Variants in LRRC9 observed in about 807,000 individuals in gnomAD.
The protein encoded by LRRC9 is leucine rich repeat containing 9.
Under a neutral mutation model 63.2 loss-of-function variants are expected in LRRC9, and 122 were observed. That is an observed-to-expected ratio of 1.93 (90% CI 1.67 to 2.24). The LOEUF is 2.24. Among genes scored for constraint, LRRC9 ranks in the 30% most tolerant of loss-of-function variants. The pLI, the probability that LRRC9 is intolerant of heterozygous loss-of-function variation, is 0.00. For missense variants in LRRC9, 1,071 were observed against 627.7 expected, an observed-to-expected ratio of 1.71 and a Z score of -7.55; for synonymous variants, 366 against 213.1, an observed-to-expected ratio of 1.72 and a Z score of -6.25.
chr14:59,944,866 TCA>T (rs3069510), intron 8 of LRRC9, 122 bp downstream of exon 8: 140,336 of 368,814 alleles, frequency 0.38, 21,004 homozygotes, highest in African/African-American at 0.48. Context: ...ACACACACAC[TCA>T]CACACACACA....
intron 27 of LRRC9, among the ~76,000 whole-genome samples, chr14:60,026,843 G>A (rs185656713): frequency 6.6e-6 from 1 of 152,036 alleles, no homozygotes; most frequent in East Asian, 1.9e-4. Context: ...TCTCTATTCT[G>A]TTCCCTTGGT....
intron 8 of LRRC9, among the ~76,000 whole-genome samples, chr14:59,949,144 T>G (rs1715981016): frequency 7.2e-6 from 1 of 139,406 alleles, no homozygotes; most frequent in African/African-American, 2.7e-5. Context: ...GGTCCTGGAC[T>G]CTTTTTGGTT....
rs1716353010 is a variant in LRRC9 at position 59,932,476 on chromosome 14, C to T, written c.543+437C>T. 6.6e-6 allele frequency among the ~76,000 whole-genome samples: 1 copy of T among 152,090 alleles called. No individual in the cohort carries two copies. Among genetic ancestry groups the T allele is most frequent in the South Asian group, 2.1e-4 (1 of 4,830 alleles). On this transcript the variant is annotated intron_variant, in intron 6 of 31. Transcript: ENST00000445360. The surrounding 1 kb of genome is among the most constrained non-coding windows in gnomAD (Gnocchi z 4.7). ...AGTACCTTTACTTTCCTTAACAACT[C>T]TCCAGAACTGTACACATATCTTAAT...
intron 17 of LRRC9, among the ~76,000 whole-genome samples, chr14:59,996,925 T>A (rs1225827467): frequency 6.6e-6 from 1 of 152,164 alleles, no homozygotes; most frequent in Non-Finnish European, 1.5e-5. Context: ...AGATCTATAG[T>A]AAAATGTTTT....
intron 19 of LRRC9, among the ~76,000 whole-genome samples, chr14:60,000,803 T>C (rs948196325): frequency 6.6e-6 from 1 of 151,988 alleles, no homozygotes; most frequent in African/African-American, 2.4e-5. Context: ...TCAAAGAAAG[T>C]GAAAAGACAA....
chr14:59,991,253 A>G (rs1888057308), intron 17 of LRRC9, among the ~76,000 whole-genome samples: 2 of 152,182 alleles, frequency 1.3e-5, no homozygotes, highest in Admixed American at 1.3e-4. Context: ...TAAAATGGAC[A>G]ATTTCTATGC....
chr14:59,968,154 G>T (rs1190729253), intron 12 of LRRC9, among the ~76,000 whole-genome samples: 1 of 152,138 alleles, frequency 6.6e-6, no homozygotes, highest in Non-Finnish European at 1.5e-5. Flanking sequence ...CATTATGCTA[G>T]AGAAATAATA....
intron 12 of LRRC9, among the ~76,000 whole-genome samples, chr14:59,971,242 T>C (rs1885460625): frequency 6.6e-6 from 1 of 152,130 alleles, no homozygotes; most frequent in Non-Finnish European, 1.5e-5. Flanking sequence ...TGGTTGTAGG[T>C]GTGCAACCTT....
At chr14:60,063,442 T>TA (rs60032242) in exon 32 of LRRC9, 12,218 of 589,180 alleles carry the variant, frequency 0.021, 8 homozygotes, top group Middle Eastern at 0.026. Context: ...AGTGGTCAGT[T>TA]AAAAAAAAAA....
intron 7 of LRRC9, among the ~76,000 whole-genome samples, chr14:59,944,318 G>C (rs1305762149): frequency 6.6e-6 from 1 of 151,734 alleles, no homozygotes; most frequent in Non-Finnish European, 1.5e-5. Context: ...TTTATCTGTA[G>C]TCTCTTTTTG....
At chr14:59,984,786 C>A (rs1887284157) in intron 16 of LRRC9, among the ~76,000 whole-genome samples, 1 of 152,156 alleles carries the variant, frequency 6.6e-6, no homozygotes. Flanking sequence ...CAGATCTACC[C>A]TAATAAGTAT....
intron 29 of LRRC9, among the ~76,000 whole-genome samples, chr14:60,036,717 A>G (rs537431811): frequency 1.4e-5 from 1 of 72,638 alleles, no homozygotes; most frequent in African/African-American, 5.5e-5. Context: ...TTGTAAAGTT[A>G]CTCTTTGCCT....
rs1315030905 is a variant in LRRC9 at position 60,015,486 on chromosome 14, ATTCCTCCAT to A, written c.3187-1171_3187-1163del. ...TGTCAGGTGGGAGATAGAAGTTCAA[ATTCCTCCAT>A]TTGGCTTCTGTTGACAACCTGGAGG... On this transcript the variant is annotated intron_variant, in intron 23 of 31. Coordinates refer to ENST00000445360, the Ensembl canonical transcript of LRRC9. Among the ~76,000 whole-genome samples, 3 of 152,128 alleles carry A rather than the reference ATTCCTCCAT, an allele frequency of 2.0e-5. No homozygotes were observed. The East Asian group carries it at 5.8e-4, about 29-fold the overall frequency.
intron 3 of LRRC9, among the ~76,000 whole-genome samples, chr14:59,928,908 A>G (rs1367159245): frequency 6.6e-6 from 1 of 151,988 alleles, no homozygotes; most frequent in Non-Finnish European, 1.5e-5. Flanking sequence ...TCCTTATACC[A>G]TATACAAAAT....
Position 60,014,734 on chromosome 14 carries a change from C to T in LRRC9, c.3187-1926C>T, listed in dbSNP as rs558617150. ...TTCTGATTATTATTATGTGTCCTTG[C>T]ATGGATTTGGGTTTTTTTTCCTGTC... On this transcript the variant is annotated intron_variant, in intron 23 of 31. Transcript: ENST00000445360. Among the ~76,000 whole-genome samples, 60 of 152,082 alleles carry T rather than the reference C, an allele frequency of 3.9e-4. 2 individuals are homozygous for T. The South Asian group carries it at 0.012, about 30-fold the overall frequency.
chr14:59,972,338 T>A (rs1176552913), intron 12 of LRRC9, among the ~76,000 whole-genome samples: 2 of 152,150 alleles, frequency 1.3e-5, no homozygotes, highest in East Asian at 3.9e-4. Context: ...ATGATTTACT[T>A]AACAAATCCT....
At position 59,938,564 on chromosome 14, in the gene LRRC9, C is replaced by A; in HGVS notation, c.718C>A (p.Leu240Met). 1 of 691,934 alleles carries A rather than the reference C, an allele frequency of 1.4e-6. No individual in the cohort carries two copies. 42.9% of individuals were successfully genotyped at this position (691,934 alleles called of 1,614,324 possible). The stretch of plus-strand genomic sequence containing the variant: ...TGTGTCAGCAAAGCAAATCAAGGAA[C>A]TGGCAGATGTAAGTACATCCCTAAT... Residue 240 changes from leucine to methionine, a missense_variant, in exon 7 of 32, where the codon CTG becomes ATG. By Grantham distance (15) the Leu-to-Met change is conservative. Coordinates refer to ENST00000445360, the Ensembl canonical transcript of LRRC9. This position sits in a 1 kb window ranked among gnomAD's most constrained non-coding sequence, Gnocchi z 4.2.
In LRRC9 at chr14:59,941,771, A is replaced by G. The variant is rs551646036; in HGVS notation, c.727-2818A>G. On this transcript the variant is annotated intron_variant, in intron 7 of 31. Transcript: ENST00000445360. The stretch of plus-strand genomic sequence containing the variant: ...TAATGATCAAATAAGGGTAATTACC[A>G]TATTCATCTCCTCAAACATTTATTC... 4.6e-5 allele frequency among the ~76,000 whole-genome samples: 7 copies of G among 152,314 alleles called. 1 individual carries two copies. In the South Asian group the frequency reaches 8.3e-4, roughly 18 times the overall value.
chr14:59,967,077 T>C lies in LRRC9; in HGVS notation c.1389-19T>C, dbSNP rs1317100839. ...GTGAAATCAATCCTCAAACTTTTTC[T>C]GTTTCAATTATTCTTAAGGAGCTAC... is the stretch of plus-strand genomic sequence containing the variant. On this transcript the variant is annotated intron_variant, in intron 11 of 31. Coordinates refer to ENST00000445360, the Ensembl canonical transcript of LRRC9. 5 of 604,556 alleles carry C rather than the reference T, an allele frequency of 8.3e-6. No individual in the cohort carries two copies. The highest frequency in any genetic ancestry group is 2.3e-5 in the Admixed American group (1 of 43,298). The allele number at this position is 604,556 out of a possible 1,614,324, so 37.4% of individuals were successfully genotyped here.
Sources: allele counts gnomAD v4.1 joint callset (sites outside exome capture counted in the v4.1 genomes callset), GRCh38; gene constraint gnomAD v4.1.1; non-coding constraint Gnocchi (gnomAD v3.1); transcripts MANE v1.5; gene names NCBI Gene and HGNC (gene_info 2026-07-23, HGNC 2026-07-21).